The following ECHDC3 variants were observed in gnomAD, a reference collection of about 807,000 sequenced individuals.
ECHDC3 encodes the protein enoyl-CoA hydratase domain-containing protein 3, mitochondrial.
A neutral mutation model predicts 17.9 loss-of-function variants in ECHDC3; 20 were observed. The observed-to-expected ratio is 1.12, with a 90% CI of 0.79 to 1.63. ECHDC3 has a LOEUF of 1.63. Among genes scored for constraint, ECHDC3 ranks in the 40% most tolerant of loss-of-function variants. ECHDC3 has a pLI of 0.00. For missense variants in ECHDC3, 407 were observed against 357.7 expected (o/e 1.14, Z -1.11); for synonymous variants, 177 against 149.7 (o/e 1.18, Z -1.33).
At chr10:11,758,103 C>T (rs1832904646) in intron 4 of ECHDC3, among the ~76,000 whole-genome samples, 3 of 152,298 alleles carry the variant, frequency 2.0e-5, no homozygotes, top group Admixed American at 2.0e-4. Context: ...CACTAGTGCC[C>T]TCTCCTGGCC....
At chr10:11,755,253 G>A (rs940545642) in intron 3 of ECHDC3, 155 bp from the exon 4 acceptor site, 5 of 634,432 alleles carry the variant, frequency 7.9e-6, no homozygotes, top group African/African-American at 1.8e-5. Context: ...TTGAACTCGG[G>A]AGGAAGAGGT....
At chr10:11,761,004 G>A (rs1832944000) in intron 4 of ECHDC3, among the ~76,000 whole-genome samples, 1 of 152,236 alleles carries the variant, frequency 6.6e-6, no homozygotes, top group Non-Finnish European at 1.5e-5. Flanking sequence ...AACAGAGGTG[G>A]TGATTTAGTC....
chr10:11,763,797 C>A lies in ECHDC3; in HGVS notation c.*253C>A. The A allele has an allele frequency of 2.2e-5, 28 of 1,259,834 alleles. No individual in the cohort carries two copies. Among genetic ancestry groups the A allele is most frequent in the Middle Eastern group, 3.1e-4 (1 of 3,214 alleles). 78.0% of individuals were successfully genotyped at this position (1,259,834 alleles called of 1,614,324 possible). On this transcript the variant is annotated 3_prime_UTR_variant, in exon 5 of 5. Coordinates refer to ENST00000379215, the MANE Select transcript of ECHDC3 (RefSeq NM_024693.5). This position sits in a 1 kb window ranked among gnomAD's most constrained non-coding sequence, Gnocchi z 4.9. ...GGGCCAGCTATGGTGGGAAGCCTGGCATTTGGGGTGCTCCTTGCAACGTCT... is the reference window on the plus strand; with the variant it reads ...GGGCCAGCTATGGTGGGAAGCCTGGAATTTGGGGTGCTCCTTGCAACGTCT...
At chr10:11,755,383 T>G in intron 3 of ECHDC3, 25 bp from the exon 4 acceptor site, 1 of 1,560,190 alleles carries the variant, frequency 6.4e-7, no homozygotes, top group Non-Finnish European at 8.7e-7. Context: ...TGGGTGGAAA[T>G]GAAGTAGGTG....
intron 3 of ECHDC3, among the ~76,000 whole-genome samples, chr10:11,750,374 A>G (rs1832810776): frequency 6.6e-6 from 1 of 152,216 alleles, no homozygotes; most frequent in Middle Eastern, 3.2e-3. Flanking sequence ...TTTTAAAATT[A>G]TTTTTGAATG....
chr10:11,763,965 G>C lies in ECHDC3; in HGVS notation c.*421G>C. 10 of 992,408 alleles carry C rather than the reference G, an allele frequency of 1.0e-5. No homozygotes were observed. The highest frequency in any genetic ancestry group is 1.2e-5 in the Non-Finnish European group (10 of 834,632). The allele number at this position is 992,408 out of a possible 1,614,324, so 61.5% of individuals were successfully genotyped here. On this transcript the variant is annotated 3_prime_UTR_variant, in exon 5 of 5. Coordinates refer to ENST00000379215, the MANE Select transcript of ECHDC3 (RefSeq NM_024693.5). This position sits in a 1 kb window ranked among gnomAD's most constrained non-coding sequence, Gnocchi z 4.9. ...GAGGCGACACATTTCAAATCTCCAC[G>C]AGATATTCTCCACACAGAAAATCTT...
chr10:11,762,649 G>A (rs1415123508), intron 4 of ECHDC3, among the ~76,000 whole-genome samples: 1 of 152,184 alleles, frequency 6.6e-6, no homozygotes, highest in Non-Finnish European at 1.5e-5. Flanking sequence ...GGTAGTAGGA[G>A]GGGAGAGGGC....
Position 11,747,293 on chromosome 10 carries a change from G to A in ECHDC3, c.171-56G>A. 2.5e-6 allele frequency: 4 copies of A among 1,597,232 alleles called. 1 individual carries two copies. The South Asian group carries it at 4.5e-5, about 18-fold the overall frequency. The stretch of plus-strand genomic sequence containing the variant: ...CCTAAATTAGACAGGAATCGCAGGG[G>A]TCCTCACTTGTTTTGACTGGTGTGT... On this transcript the variant is annotated intron_variant, in intron 1 of 4. Coordinates refer to ENST00000379215, the MANE Select transcript of ECHDC3 (RefSeq NM_024693.5).
chr10:11,756,077 TC>T (rs768544578), intron 4 of ECHDC3, among the ~76,000 whole-genome samples: 7 of 152,210 alleles, frequency 4.6e-5, no homozygotes, highest in African/African-American at 4.8e-5. Context: ...TCTGTCTTGT[TC>T]CAGAACGGAT....
chr10:11,749,551 G>C lies in ECHDC3; in HGVS notation c.349G>C (p.Gly117Arg). Residue 117 changes from glycine (G) to arginine (R), a missense_variant, in exon 3 of 5, where the codon GGC becomes CGC. Coordinates refer to ENST00000379215, the MANE Select transcript of ECHDC3 (RefSeq NM_024693.5). ...CTTAAAGGAGCTGACAGAGGAGCAA[G>C]GCCGTGATTACCATGCCGAAGTATT... ...HDLKELTEEQ[G>R]RDYHAEVFQT... 6.2e-7 allele frequency: 1 copy of C among 1,614,142 alleles called. No homozygotes were observed. The highest frequency in any genetic ancestry group is 8.5e-7 in the Non-Finnish European group (1 of 1,180,028).
intron 3 of ECHDC3, among the ~76,000 whole-genome samples, chr10:11,753,046 A>T (rs1191802831): frequency 1.3e-5 from 2 of 152,178 alleles, no homozygotes; most frequent in Non-Finnish European, 2.9e-5. Flanking sequence ...CCTATTTCAC[A>T]TTATTTCTTA....
chr10:11,757,351 A>G (rs1283871002), intron 4 of ECHDC3, among the ~76,000 whole-genome samples: 2 of 152,226 alleles, frequency 1.3e-5, no homozygotes, highest in African/African-American at 4.8e-5. Flanking sequence ...TTTTAAATTG[A>G]TAAAATTTAA....
Position 11,745,143 on chromosome 10 carries a change from G to A in ECHDC3, c.171-2206G>A, listed in dbSNP as rs137967353. 5.1e-4 allele frequency among the ~76,000 whole-genome samples: 77 copies of A among 152,336 alleles called. No homozygotes were observed. In the East Asian group the frequency reaches 9.1e-3, roughly 18 times the overall value. ...GAAATTAGGAGATGGTTGGTGAGAA[G>A]AGCTTGGGTGGGGTGGGAGGAGCTG... On this transcript the variant is annotated intron_variant, in intron 1 of 4. Coordinates refer to ENST00000379215, the MANE Select transcript of ECHDC3 (RefSeq NM_024693.5).
In ECHDC3 at chr10:11,747,384, C is replaced by T. The variant is rs201298433; in HGVS notation, c.206C>T (p.Ala69Val). The T allele has an allele frequency of 1.9e-6, 3 of 1,613,888 alleles. No homozygotes were observed. The highest frequency in any genetic ancestry group is 2.2e-5 in the East Asian group (1 of 44,876). The change falls in exon 2 of 5, where the codon GCG (alanine) becomes GTG (valine). Residue 69 changes from alanine (A) to valine (V), a missense_variant. Coordinates refer to ENST00000379215, the MANE Select transcript of ECHDC3 (RefSeq NM_024693.5). The stretch of plus-strand genomic sequence containing the variant: ...TTGAGCAATCCCAAGAAGAGGAACG[C>T]GTTGTCACTTGCAATGCTGAAGTCT... ...IVLSNPKKRN[A>V]LSLAMLKSLQ...
rs1056816742 is a variant in ECHDC3, at chr10:11,755,059, G to A, written c.391-349G>A. Among the ~76,000 whole-genome samples the A allele has an allele frequency of 3.3e-5, 5 of 152,294 alleles. No individual in the cohort carries two copies. In the East Asian group the frequency reaches 5.8e-4, roughly 18 times the overall value. On this transcript the variant is annotated intron_variant, in intron 3 of 4. Coordinates refer to ENST00000379215, the MANE Select transcript of ECHDC3 (RefSeq NM_024693.5). ...ACGTTGGCTGGGCGTGGTGGCTCAC[G>A]CCTGTAATCTGAGCACTTTGGGAGG... is the stretch of plus-strand genomic sequence containing the variant.
Position 11,742,525 on chromosome 10 carries a change from C to T in ECHDC3, c.-52C>T. On this transcript the variant is annotated 5_prime_UTR_variant, in exon 1 of 5. Transcript: ENST00000379215. ...GCAGCGCCCTCGGAGCGCCCAGCACCTGCGGCCGGCCAGGCAGCGCGATCC... is the reference window on the plus strand; with the variant it reads ...GCAGCGCCCTCGGAGCGCCCAGCACTTGCGGCCGGCCAGGCAGCGCGATCC... The T allele has an allele frequency of 8.0e-7, 1 of 1,254,770 alleles. No homozygotes were observed. The highest frequency in any genetic ancestry group is 1.0e-6 in the Non-Finnish European group (1 of 999,506). The allele number at this position is 1,254,770 out of a possible 1,614,324, so 77.7% of individuals were successfully genotyped here.
chr10:11,747,287 G>C (rs1235491359), intron 1 of ECHDC3, 62 bp from the exon 2 acceptor site: 1 of 1,584,854 alleles, frequency 6.3e-7, no homozygotes, highest in Non-Finnish European at 8.6e-7. Flanking sequence ...GACAGGAATC[G>C]CAGGGGTCCT....
chr10:11,750,359 A>G (rs1832810638), intron 3 of ECHDC3, among the ~76,000 whole-genome samples: 2 of 152,304 alleles, frequency 1.3e-5, no homozygotes, highest in Admixed American at 6.5e-5. Flanking sequence ...AATAACAATA[A>G]TGGTTTTTAA....
At chr10:11,760,804 G>T (rs930533031) in intron 4 of ECHDC3, among the ~76,000 whole-genome samples, 1 of 152,206 alleles carries the variant, frequency 6.6e-6, no homozygotes, top group Non-Finnish European at 1.5e-5. Context: ...GACCTGCTAG[G>T]TGTCTTCAGC....
Sources: allele counts gnomAD v4.1 joint callset (sites outside exome capture counted in the v4.1 genomes callset), GRCh38; gene constraint gnomAD v4.1.1; non-coding constraint Gnocchi (gnomAD v3.1); transcripts MANE v1.5; gene names NCBI Gene and HGNC (gene_info 2026-07-23, HGNC 2026-07-21).